Variants in CTPS1 observed in about 807,000 individuals in gnomAD.
The protein encoded by CTPS1 is CTP synthase 1, also known as CTP synthetase 1.
In CTPS1, 25 loss-of-function variants were observed where a neutral mutation model predicts 80.5. That is an observed-to-expected ratio of 0.31 (90% CI 0.23 to 0.43). CTPS1 has a LOEUF of 0.43. Ranked by LOEUF, CTPS1 falls within the 20% of genes least tolerant of loss-of-function variation. The probability of loss-of-function intolerance (pLI) is 1.00; values close to 1 mark genes in which losing one functional copy is unlikely to be tolerated. For missense variants in CTPS1, 442 were observed against 725.7 expected, an observed-to-expected ratio of 0.61 and a Z score of 4.49; for synonymous variants, 267 against 252.5, an observed-to-expected ratio of 1.06 and a Z score of -0.54.
In CTPS1 at chr1:41,010,148, CTG is replaced by C; in HGVS notation, c.1692-12_1692-11del. 1.2e-6 allele frequency: 2 copies of C among 1,604,572 alleles called. No individual in the cohort carries two copies. Among genetic ancestry groups the C allele is most frequent in the Non-Finnish European group, 1.7e-6 (2 of 1,171,990 alleles). On this transcript the variant is annotated splice_polypyrimidine_tract_variant and intron_variant, in intron 17 of 18. Transcript: ENST00000650070. ...TGGTGGGAGATGATGCGTAAACCAT[CTG>C]AATTCTACAGGGACACCTATAGTGA... is the stretch of plus-strand genomic sequence containing the variant.
At chr1:41,006,182 G>C in intron 13 of CTPS1, 88 bp downstream of exon 13, 1 of 1,092,640 alleles carries the variant, frequency 9.2e-7, no homozygotes, top group Non-Finnish European at 1.4e-6. Context: ...GACAAGAAGT[G>C]AGACTGCTTG....
At chr1:40,990,856 A>G (rs952764300) in intron 5 of CTPS1, among the ~76,000 whole-genome samples, 1 of 152,216 alleles carries the variant, frequency 6.6e-6, no homozygotes, top group Admixed American at 6.5e-5. Flanking sequence ...CAGGGAAATC[A>G]ATAGAAAATG....
chr1:41,001,134 G>C lies in CTPS1; in HGVS notation c.1094+17G>C. On this transcript the variant is annotated intron_variant, in intron 10 of 18. Coordinates refer to ENST00000650070, the MANE Select transcript of CTPS1 (RefSeq NM_001905.4). ...TAGTGCTCAGTGAGTAGAGTTCGCTGCCTTGGGTTTCCAGAGTTCTTTTGG... is the reference window on the plus strand; with the variant it reads ...TAGTGCTCAGTGAGTAGAGTTCGCTCCCTTGGGTTTCCAGAGTTCTTTTGG... 1 of 1,579,132 alleles carries C rather than the reference G, an allele frequency of 6.3e-7. No homozygotes were observed.
intron 18 of CTPS1, among the ~76,000 whole-genome samples, chr1:41,010,483 C>T (rs1643144973): frequency 6.6e-6 from 1 of 152,142 alleles, no homozygotes; most frequent in Non-Finnish European, 1.5e-5. Context: ...CAGTCCTGCC[C>T]TGGGGATGAC....
chr1:40,996,014 C>G lies in CTPS1; in HGVS notation c.818C>G (p.Pro273Arg), dbSNP rs752776964. ...TATTTTCTTCGAAGACTTGACCTTC[C>G]TATTGAGAGGCAGCCAAGAAAAATG... is the stretch of plus-strand genomic sequence containing the variant. Reference protein sequence around the residue: ...VDYFLRRLDLPIERQPRKMLM... With the variant: ...VDYFLRRLDLRIERQPRKMLM... Residue 273 changes from proline (P) to arginine (R), a missense_variant, in exon 8 of 19, where the codon CCT becomes CGT. This residue lies in a region of CTPS1 where 321 missense variants were observed against 467.2 expected (regional missense o/e 0.69). Transcript: ENST00000650070. 6.2e-7 allele frequency: 1 copy of G among 1,614,128 alleles called. No homozygotes were observed.
intron 3 of CTPS1, among the ~76,000 whole-genome samples, 173 bp downstream of exon 3, chr1:40,985,164 A>G (rs2148388402): frequency 6.6e-6 from 1 of 152,350 alleles, no homozygotes; most frequent in Middle Eastern, 3.4e-3. Context: ...CAGTTGAAAA[A>G]TCAGAATTAT....
chr1:41,003,818 G>T (rs963210879), intron 12 of CTPS1, among the ~76,000 whole-genome samples: 1 of 152,208 alleles, frequency 6.6e-6, no homozygotes, highest in African/African-American at 2.4e-5. Context: ...GTATTCTGTG[G>T]TTTGGCTCAG....
In CTPS1 at chr1:40,996,058, A is replaced by G; in HGVS notation, c.862A>G (p.Met288Val). The stretch of plus-strand genomic sequence containing the variant: ...AAAAATGCTGATGAAATGGAAAGAG[A>G]TGGCTGACAGGTTTGCCTGCAATGA... ...PRKMLMKWKE[M>V]ADRYDRLLET... The change falls in exon 8 of 19, where the codon ATG becomes GTG. Residue 288 changes from methionine to valine, a missense_variant. Physicochemically the swap from Met to Val is conservative, Grantham distance 21. This residue lies in a region of CTPS1 where 321 missense variants were observed against 467.2 expected (regional missense o/e 0.69). Coordinates refer to ENST00000650070, the MANE Select transcript of CTPS1 (RefSeq NM_001905.4). 1 of 1,614,092 alleles carries G rather than the reference A, an allele frequency of 6.2e-7. No homozygotes were observed. The highest frequency in any genetic ancestry group is 8.5e-7 in the Non-Finnish European group (1 of 1,179,950).
chr1:40,994,540 A>G (rs1266952321), intron 7 of CTPS1, among the ~76,000 whole-genome samples: 2 of 152,206 alleles, frequency 1.3e-5, no homozygotes, highest in African/African-American at 4.8e-5. Context: ...CCATTCATCT[A>G]CAGCCTAGCA....
At chr1:41,008,023 G>C (rs1300177799) in intron 14 of CTPS1, among the ~76,000 whole-genome samples, 1 of 152,176 alleles carries the variant, frequency 6.6e-6, no homozygotes, top group Non-Finnish European at 1.5e-5. Context: ...CTTGTCTACT[G>C]GGAAAATTCT....
chr1:40,995,633 G>A lies in CTPS1; in HGVS notation c.721-284G>A, dbSNP rs575216122. On this transcript the variant is annotated intron_variant, in intron 7 of 18. Coordinates refer to ENST00000650070, the MANE Select transcript of CTPS1 (RefSeq NM_001905.4). ...AGTCTGGTCTTGAACTCCTGAGCTC[G>A]AGCAATCCTCCTGCCATGGCCTCCC... Among the ~76,000 whole-genome samples the A allele has an allele frequency of 1.9e-4, 29 of 152,096 alleles. No individual in the cohort carries two copies. The South Asian group carries it at 5.6e-3, about 29-fold the overall frequency.
In CTPS1 at chr1:41,008,661, A is replaced by C; in HGVS notation, c.1396A>C (p.Lys466Gln). 6.2e-7 allele frequency: 1 copy of C among 1,614,152 alleles called. No individual in the cohort carries two copies. The highest frequency in any genetic ancestry group is 8.5e-7 in the Non-Finnish European group (1 of 1,180,006). The change falls in exon 15 of 19, where the codon AAA becomes CAA. Residue 466 changes from lysine (K) to glutamine (Q), a missense_variant and splice_region_variant. Physicochemically the swap from Lys to Gln is moderately conservative, Grantham distance 53. Transcript: ENST00000650070. Reference protein sequence around the residue: ...LFQTKNSVMRKLYGDADYLEE... With the variant: ...LFQTKNSVMRQLYGDADYLEE... Reference sequence around the variant, plus strand: ...ATACAGCCCGTTTGTTTTGCCAGGGAAACTCTATGGAGACGCAGACTACTT... The same window carrying C: ...ATACAGCCCGTTTGTTTTGCCAGGGCAACTCTATGGAGACGCAGACTACTT...
At chr1:41,002,361 C>G in intron 11 of CTPS1, 107 bp downstream of exon 11, 1 of 881,220 alleles carries the variant, frequency 1.1e-6, no homozygotes, top group East Asian at 2.5e-5. Flanking sequence ...AACATGCTGT[C>G]TTTGTGGATA....
intron 12 of CTPS1, chr1:41,004,224 T>G (rs1013258013): frequency 1.3e-5 from 2 of 152,278 alleles, no homozygotes; most frequent in Non-Finnish European, 2.9e-5. Flanking sequence ...TTGTAAATTC[T>G]GTGGAAAATA....
intron 8 of CTPS1, 92 bp from the exon 9 acceptor site, chr1:40,997,302 C>A: frequency 6.9e-7 from 1 of 1,446,552 alleles, no homozygotes; most frequent in Non-Finnish European, 9.4e-7. Flanking sequence ...CCTGGCCAGA[C>A]GTGGTTTTTT....
At position 41,012,425 on chromosome 1, in the gene CTPS1, TGTTACTGCAGTTGAAAGGGCAATATGAA is replaced by T. The variant is rs1643197181; in HGVS notation, c.*784_*811del. 1 of 152,216 alleles carries T rather than the reference TGTTACTGCAGTTGAAAGGGCAATATGAA, an allele frequency of 6.6e-6. No individual in the cohort carries two copies. Among genetic ancestry groups the T allele is most frequent in the African/African-American group, 2.4e-5 (1 of 41,470 alleles). The allele number at this position is 152,216 out of a possible 1,614,324, so 9.4% of individuals were successfully genotyped here. On this transcript the variant is annotated 3_prime_UTR_variant, in exon 19 of 19. Coordinates refer to ENST00000650070, the MANE Select transcript of CTPS1 (RefSeq NM_001905.4). ...AGGGTCCATTTTTCTTCCAGGATGGTGTTACTGCAGTTGAAAGGGCAATATGAAGTTACTTTCTTAATGTGACCTAGCA... is the reference window on the plus strand; with the variant it reads ...AGGGTCCATTTTTCTTCCAGGATGGTGTTACTTTCTTAATGTGACCTAGCA...
At chr1:40,994,311 A>G (rs1570957820) in intron 7 of CTPS1, among the ~76,000 whole-genome samples, 1 of 152,246 alleles carries the variant, frequency 6.6e-6, no homozygotes, top group East Asian at 1.9e-4. Context: ...TTACATGTGG[A>G]TATCTACTTG....
In CTPS1 at chr1:40,997,391, T is replaced by C. The variant is rs780616076; in HGVS notation, c.873-3T>C. The C allele has an allele frequency of 4.2e-5, 68 of 1,611,898 alleles. No individual in the cohort carries two copies. The East Asian group carries it at 1.2e-3, about 29-fold the overall frequency. On this transcript the variant is annotated splice_polypyrimidine_tract_variant and splice_region_variant and intron_variant, in intron 8 of 18. Transcript: ENST00000650070. Reference sequence around the variant, plus strand: ...TGGGTTTTTCTTGACGTTTATTTGATAGATATGATCGCTTGCTGGAGACCT... The same window carrying C: ...TGGGTTTTTCTTGACGTTTATTTGACAGATATGATCGCTTGCTGGAGACCT...
intron 13 of CTPS1, 39 bp downstream of exon 13, chr1:41,006,133 GTGT>G (rs775119612): frequency 3.4e-5 from 51 of 1,516,304 alleles, no homozygotes; most frequent in Non-Finnish European, 4.3e-5. Context: ...GCTTAGAAGG[GTGT>G]AGAAGGGGCA....
Sources: gnomAD v4.1 joint callset for allele counts (sites outside exome capture counted in the v4.1 genomes callset) on GRCh38, gnomAD v4.1.1 for gene constraint, gnomAD v4.1.1 regional missense constraint, MANE v1.5 for transcripts, NCBI Gene and HGNC (gene_info 2026-07-23, HGNC 2026-07-21) for gene names.